Variants in FBH1 observed in about 807,000 individuals in gnomAD.
The protein encoded by FBH1 is DNA 3'-5' helicase 1.
FBH1 carries 43 observed loss-of-function variants against 115.5 expected under a neutral mutation model. The ratio of observed to expected loss-of-function variants is 0.37; its 90% confidence interval spans 0.29 to 0.48. FBH1 has a LOEUF of 0.48. Ranked by LOEUF, FBH1 falls within the 20% of genes least tolerant of loss-of-function variation. The pLI is 0.99. For missense variants in FBH1, 1,001 were observed against 1,337.3 expected, an observed-to-expected ratio of 0.75 and a Z score of 3.92; for synonymous variants, 524 against 507.8, an observed-to-expected ratio of 1.03 and a Z score of -0.43.
rs187867943 is a variant in FBH1, at chr10:5,933,043, A to T, written c.2830-3413A>T. Among the ~76,000 whole-genome samples the T allele has an allele frequency of 2.5e-4, 38 of 152,126 alleles. No homozygotes were observed. In the East Asian group the frequency reaches 5.2e-3, roughly 21 times the overall value. On this transcript the variant is annotated intron_variant, in intron 19 of 20. Coordinates refer to ENST00000362091, the MANE Select transcript of FBH1 (RefSeq NM_178150.3). This position sits in a 1 kb window ranked among gnomAD's most constrained non-coding sequence, Gnocchi z 4.9. ...AGTGTGACTTTTCTAGATGTTGCCAATTTTTTCATGGAGATTGTTATCACT... is the reference window on the plus strand; with the variant it reads ...AGTGTGACTTTTCTAGATGTTGCCATTTTTTTCATGGAGATTGTTATCACT...
Position 5,924,783 on chromosome 10 carries a change from C to G in FBH1, c.2596+275C>G. 1 of 514,588 alleles carries G rather than the reference C, an allele frequency of 1.9e-6. No individual in the cohort carries two copies. Among genetic ancestry groups the G allele is most frequent in the South Asian group, 1.5e-5 (1 of 64,644 alleles). The allele number at this position is 514,588 out of a possible 1,614,324, so 31.9% of individuals were successfully genotyped here. A position where few individuals can be genotyped will look rare whatever the true frequency, so the allele number is the denominator to read the frequency against. On this transcript the variant is annotated intron_variant, in intron 17 of 20. Coordinates refer to ENST00000362091, the MANE Select transcript of FBH1 (RefSeq NM_178150.3). This position sits in a 1 kb window ranked among gnomAD's most constrained non-coding sequence, Gnocchi z 6.2. Reference sequence around the variant, plus strand: ...GTCTCACCATGTTGGCCAGGCTGGTCTCGAACTCCCAACCTCAGGTAATCT... The same window carrying G: ...GTCTCACCATGTTGGCCAGGCTGGTGTCGAACTCCCAACCTCAGGTAATCT...
intron 6 of FBH1, among the ~76,000 whole-genome samples, chr10:5,912,805 A>G (rs760894647): frequency 2.6e-5 from 4 of 152,060 alleles, no homozygotes; most frequent in African/African-American, 7.2e-5. Context: ...CACACACCAC[A>G]TTGGGGTAGC....
rs1474661679 is a variant in FBH1 at position 5,911,090 on chromosome 10, C to G, written c.1173C>G (p.Leu391=). 6.2e-7 allele frequency: 1 copy of G among 1,613,352 alleles called. No individual in the cohort carries two copies. The highest frequency in any genetic ancestry group is 8.5e-7 in the Non-Finnish European group (1 of 1,179,914). The change falls in exon 6 of 21, where the codon CTC becomes CTG. Residue 391 remains leucine (L), a synonymous_variant. Transcript: ENST00000362091. The surrounding 1 kb of genome is among the most constrained non-coding windows in gnomAD (Gnocchi z 5.4). The part of the protein sequence containing the change: ...TETLYCIAVL[L]YAMREKGINI... ...CCCTGTACTGCATAGCCGTGCTTCT[C>G]TACGCCATGAGGGAGAAGGGGATTA...
Position 5,936,390 on chromosome 10 carries a change from C to A in FBH1, c.2830-66C>A. 6.3e-7 allele frequency: 1 copy of A among 1,578,008 alleles called. No individual in the cohort carries two copies. Among genetic ancestry groups the A allele is most frequent in the East Asian group, 2.3e-5 (1 of 44,146 alleles). Reference sequence around the variant, plus strand: ...AGGGTTCTCACAGAGCCGCCGCTATCAGTGTTTCCAGTAGACCCTAACGGA... The same window carrying A: ...AGGGTTCTCACAGAGCCGCCGCTATAAGTGTTTCCAGTAGACCCTAACGGA... On this transcript the variant is annotated intron_variant, in intron 19 of 20. Coordinates refer to ENST00000362091, the MANE Select transcript of FBH1 (RefSeq NM_178150.3). This position sits in a 1 kb window ranked among gnomAD's most constrained non-coding sequence, Gnocchi z 5.6.
chr10:5,922,858 T>C (rs909606048), intron 15 of FBH1, among the ~76,000 whole-genome samples: 4 of 152,186 alleles, frequency 2.6e-5, no homozygotes, highest in African/African-American at 9.7e-5. Flanking sequence ...TGTTAAAATG[T>C]AGAATAATCT....
At chr10:5,890,113 G>A (rs1371860614), upstream of FBH1, 2 of 321,092 alleles carry the variant, frequency 6.2e-6, no homozygotes, top group Non-Finnish European at 1.1e-5. Context: ...CCGTCCGTCA[G>A]CACGCCCCCT....
At chr10:5,926,034 G>A (rs1362833952) in intron 18 of FBH1, among the ~76,000 whole-genome samples, 1 of 152,152 alleles carries the variant, frequency 6.6e-6, no homozygotes, top group Non-Finnish European at 1.5e-5. Flanking sequence ...GCTTCCCAAA[G>A]TGTTGGGATT....
chr10:5,923,309 T>C lies in FBH1; in HGVS notation c.2323-312T>C, dbSNP rs891084164. Among the ~76,000 whole-genome samples the C allele has an allele frequency of 6.6e-6, 1 of 152,230 alleles. No individual in the cohort carries two copies. The highest frequency in any genetic ancestry group is 2.4e-5 in the African/African-American group (1 of 41,458). On this transcript the variant is annotated intron_variant, in intron 15 of 20. Transcript: ENST00000362091. The surrounding 1 kb of genome is among the most constrained non-coding windows in gnomAD (Gnocchi z 5.7). Reference sequence around the variant, plus strand: ...GATGCTTAAATTGCCTTTTTATTGATGGGAAAGCAGTATGCAGCTGTAGGT... The same window carrying C: ...GATGCTTAAATTGCCTTTTTATTGACGGGAAAGCAGTATGCAGCTGTAGGT...
chr10:5,925,598 G>A lies in FBH1; in HGVS notation c.2722+106G>A. The A allele has an allele frequency of 1.3e-6, 2 of 1,487,260 alleles. No homozygotes were observed. Among genetic ancestry groups the A allele is most frequent in the South Asian group, 1.3e-5 (1 of 77,110 alleles). 92.1% of individuals were successfully genotyped at this position (1,487,260 alleles called of 1,614,324 possible). On this transcript the variant is annotated intron_variant, in intron 18 of 20. Transcript: ENST00000362091. This position sits in a 1 kb window ranked among gnomAD's most constrained non-coding sequence, Gnocchi z 4.6. ...GTTTGTTGGATGGTGTGGCCTCCTG[G>A]TAGGGCACTTCTGGAAAAACTAAAC...
In FBH1 at chr10:5,924,707, A is replaced by G. The variant is rs1040713669; in HGVS notation, c.2596+199A>G. 1 of 637,532 alleles carries G rather than the reference A, an allele frequency of 1.6e-6. No homozygotes were observed. The highest frequency in any genetic ancestry group is 2.9e-6 in the Non-Finnish European group (1 of 348,766). The allele number at this position is 637,532 out of a possible 1,614,324, so 39.5% of individuals were successfully genotyped here. A position where few individuals can be genotyped will look rare whatever the true frequency, so the allele number is the denominator to read the frequency against. ...CTCAGCCTCGTGAGTAGCTGGGACT[A>G]CAGGCCCCACCACCAGCCCGGCTAG... is the stretch of plus-strand genomic sequence containing the variant. On this transcript the variant is annotated intron_variant, in intron 17 of 20. Transcript: ENST00000362091. This position sits in a 1 kb window ranked among gnomAD's most constrained non-coding sequence, Gnocchi z 6.2.
At position 5,895,972 on chromosome 10, in the gene FBH1, C is replaced by T. The variant is rs1010836650; in HGVS notation, c.1+5626C>T. Among the ~76,000 whole-genome samples the T allele has an allele frequency of 2.0e-5, 3 of 152,098 alleles. No homozygotes were observed. Among genetic ancestry groups the T allele is most frequent in the Non-Finnish European group, 4.4e-5 (3 of 68,016 alleles). The stretch of plus-strand genomic sequence containing the variant: ...CAGCAAAACCTGAAACACTCAGTTT[C>T]ACTTTCTGTGACTTGTTTTGTAAGT... On this transcript the variant is annotated intron_variant, in intron 1 of 20. Coordinates refer to ENST00000362091, the MANE Select transcript of FBH1 (RefSeq NM_178150.3). This position sits in a 1 kb window ranked among gnomAD's most constrained non-coding sequence, Gnocchi z 5.0.
chr10:5,889,886 G>A (rs534896779), upstream of FBH1: 11 of 161,980 alleles, frequency 6.8e-5, no homozygotes, highest in East Asian at 1.7e-3. Context: ...CGTCCTCAGG[G>A]CCGCCCCAGC....
In FBH1 at chr10:5,918,507, T is replaced by G. The variant is rs757836025; in HGVS notation, c.2100+29T>G. The G allele has an allele frequency of 6.5e-7, 1 of 1,530,984 alleles. No homozygotes were observed. Among genetic ancestry groups the G allele is most frequent in the East Asian group, 2.5e-5 (1 of 40,394 alleles). 94.8% of individuals were successfully genotyped at this position (1,530,984 alleles called of 1,614,324 possible). On this transcript the variant is annotated intron_variant, in intron 13 of 20. Transcript: ENST00000362091. The surrounding 1 kb of genome is among the most constrained non-coding windows in gnomAD (Gnocchi z 4.0). ...AGTGCGCACTCTGCATGGGAGGCAT[T>G]GCATCTCTCTCCCAATGTCTTACGT...
intron 13 of FBH1, among the ~76,000 whole-genome samples, chr10:5,920,101 G>T (rs563495264): frequency 1.3e-5 from 2 of 152,174 alleles, no homozygotes; most frequent in Non-Finnish European, 2.9e-5. Context: ...GGCTCTTCTT[G>T]GCTGTGACAG....
chr10:5,923,697 G>C lies in FBH1; in HGVS notation c.2398+1G>C. 3 of 1,613,762 alleles carry C rather than the reference G, an allele frequency of 1.9e-6. No homozygotes were observed. Among genetic ancestry groups the C allele is most frequent in the Non-Finnish European group, 2.5e-6 (3 of 1,179,680 alleles). On this transcript the variant is annotated splice_donor_variant, in intron 16 of 20. Coordinates refer to ENST00000362091, the MANE Select transcript of FBH1 (RefSeq NM_178150.3). LOFTEE classifies it high-confidence loss of function. The surrounding 1 kb of genome is among the most constrained non-coding windows in gnomAD (Gnocchi z 5.7). ...CAGCCAGAGGAAGAACGGAGGAAAC[G>C]TGAGTACCCACCTGGCCTTGGTGCA...
Position 5,906,332 on chromosome 10 carries a change from T to A in FBH1, c.453T>A (p.His151Gln). The change falls in exon 3 of 21, where the codon CAT (histidine) becomes CAA (glutamine). Residue 151 changes from histidine to glutamine, a missense_variant. By Grantham distance (24) the His-to-Gln change is conservative. Transcript: ENST00000362091. This position sits in a 1 kb window ranked among gnomAD's most constrained non-coding sequence, Gnocchi z 7.3. ...TTTCTAAGAAAGCTCCACGGCACCA[T>A]TTGTCTGTGCCATGCACAAGGCCTA... ...DGVSKKAPRH[H>Q]LSVPCTRPRE... 1 of 1,614,198 alleles carries A rather than the reference T, an allele frequency of 6.2e-7. No individual in the cohort carries two copies. Among genetic ancestry groups the A allele is most frequent in the South Asian group, 1.1e-5 (1 of 91,086 alleles).
At chr10:5,912,489 G>GTGGGGGC (rs1564446664) in intron 6 of FBH1, among the ~76,000 whole-genome samples, 1 of 151,604 alleles carries the variant, frequency 6.6e-6, no homozygotes. Flanking sequence ...AGCAGAGACC[G>GTGGGGGC]TGGGGGCTGG....
Position 5,917,698 on chromosome 10 carries a change from C to G in FBH1, c.1963+22C>G, listed in dbSNP as rs1381893688. 1.9e-6 allele frequency: 3 copies of G among 1,579,592 alleles called. No individual in the cohort carries two copies. Among genetic ancestry groups the G allele is most frequent in the East Asian group, 2.2e-5 (1 of 44,716 alleles). ...CCAGGTGATACACTGTTCAGGACAT[C>G]AGTAGTGTCAAATACGTAGAAACAG... On this transcript the variant is annotated intron_variant, in intron 12 of 20. Coordinates refer to ENST00000362091, the MANE Select transcript of FBH1 (RefSeq NM_178150.3). This position sits in a 1 kb window ranked among gnomAD's most constrained non-coding sequence, Gnocchi z 5.6.
In FBH1 at chr10:5,931,133, G is replaced by A. The variant is rs2132116512; in HGVS notation, c.2829+3592G>A. 6.6e-6 allele frequency among the ~76,000 whole-genome samples: 1 copy of A among 152,230 alleles called. No individual in the cohort carries two copies. Among genetic ancestry groups the A allele is most frequent in the Admixed American group, 6.5e-5 (1 of 15,278 alleles). Reference sequence around the variant, plus strand: ...GCAGTTTAAAATGATGATGTTGTGAGCATCCACCAGATTAGAAGATGGGAT... The same window carrying A: ...GCAGTTTAAAATGATGATGTTGTGAACATCCACCAGATTAGAAGATGGGAT... On this transcript the variant is annotated intron_variant, in intron 19 of 20. Coordinates refer to ENST00000362091, the MANE Select transcript of FBH1 (RefSeq NM_178150.3). This position sits in a 1 kb window ranked among gnomAD's most constrained non-coding sequence, Gnocchi z 4.3.
Sources: gnomAD v4.1 joint callset for allele counts (sites outside exome capture counted in the v4.1 genomes callset) on GRCh38, gnomAD v4.1.1 for gene constraint, Gnocchi (gnomAD v3.1) non-coding constraint, MANE v1.5 for transcripts, NCBI Gene and HGNC (gene_info 2026-07-23, HGNC 2026-07-21) for gene names.